The following BMP2K variants were observed in gnomAD, a reference collection of about 807,000 sequenced individuals.
BMP2K encodes BMP2 inducible kinase.
In BMP2K, 74 loss-of-function variants were observed where a neutral mutation model predicts 116.0. That is an observed-to-expected ratio of 0.64 (90% CI 0.53 to 0.77). The LOEUF (loss-of-function observed/expected upper bound fraction) is 0.77, where lower values mean the gene tolerates loss of function less well. Ranked by LOEUF, BMP2K falls within the 30% of genes least tolerant of loss-of-function variation. The pLI is 0.00. For synonymous variants in BMP2K, 486 were observed against 502.5 expected (o/e 0.97, Z 0.44); for missense variants, 1,365 against 1,403.6 (o/e 0.97, Z 0.44).
intron 1 of BMP2K, among the ~76,000 whole-genome samples, chr4:78,798,714 A>G (rs1489210829): frequency 3.9e-5 from 6 of 152,236 alleles, no homozygotes; most frequent in Non-Finnish European, 5.9e-5. Context: ...ATTTTAATAT[A>G]AACCTAAATG....
chr4:78,824,529 A>G (rs1342203991), intron 1 of BMP2K, among the ~76,000 whole-genome samples: 3 of 152,164 alleles, frequency 2.0e-5, no homozygotes, highest in Non-Finnish European at 2.9e-5. Flanking sequence ...ATCTGCCCCC[A>G]TGTTTCAATT....
At chr4:78,837,028 C>G (rs997260523) in intron 3 of BMP2K, among the ~76,000 whole-genome samples, 2 of 152,092 alleles carry the variant, frequency 1.3e-5, no homozygotes, top group Non-Finnish European at 2.9e-5. Flanking sequence ...CTGGACTTCT[C>G]ATTTTCTTTC....
At chr4:78,873,082 T>A (rs1025285476) in intron 13 of BMP2K, among the ~76,000 whole-genome samples, 2 of 152,148 alleles carry the variant, frequency 1.3e-5, no homozygotes, top group African/African-American at 4.8e-5. Context: ...TTTGGTAATG[T>A]AAGTATAAAC....
At chr4:78,890,766 C>T (rs1016043904) in intron 15 of BMP2K, among the ~76,000 whole-genome samples, 2 of 152,180 alleles carry the variant, frequency 1.3e-5, no homozygotes, top group African/African-American at 4.8e-5. Flanking sequence ...AGCTGTCACA[C>T]TTATAATTCT....
chr4:78,824,824 A>G (rs548211866), intron 1 of BMP2K, among the ~76,000 whole-genome samples: 1 of 152,350 alleles, frequency 6.6e-6, no homozygotes, highest in East Asian at 1.9e-4. Flanking sequence ...AACTTCATGT[A>G]GAAATCTTTG....
intron 1 of BMP2K, among the ~76,000 whole-genome samples, chr4:78,812,272 A>C (rs1729131948): frequency 6.6e-6 from 1 of 152,176 alleles, no homozygotes; most frequent in African/African-American, 2.4e-5. Context: ...CCTGGCCTTT[A>C]ATGGGAATTT....
intron 1 of BMP2K, among the ~76,000 whole-genome samples, chr4:78,795,296 A>G (rs1414715811): frequency 6.6e-6 from 1 of 152,210 alleles, no homozygotes; most frequent in African/African-American, 2.4e-5. Flanking sequence ...GACAAAATGA[A>G]CATGAGAAGA....
chr4:78,844,834 C>A, intron 4 of BMP2K, 94 bp from the exon 5 acceptor site: 1 of 1,114,290 alleles, frequency 9.0e-7, no homozygotes, highest in Non-Finnish European at 1.3e-6. Context: ...TAAAAATAAG[C>A]TTCGTATGTA....
chr4:78,867,396 T>G (rs765138726), intron 10 of BMP2K, among the ~76,000 whole-genome samples: 1 of 152,146 alleles, frequency 6.6e-6, no homozygotes, highest in Non-Finnish European at 1.5e-5. Context: ...TTGTCTAATG[T>G]TGTATGAGAT....
chr4:78,794,314 C>T (rs1578471887), intron 1 of BMP2K, among the ~76,000 whole-genome samples: 1 of 151,912 alleles, frequency 6.6e-6, no homozygotes, highest in Non-Finnish European at 1.5e-5. Flanking sequence ...TTTAACAGAC[C>T]GTCATTAGGT....
At chr4:78,822,077 T>G (rs1729645372) in intron 1 of BMP2K, among the ~76,000 whole-genome samples, 1 of 152,178 alleles carries the variant, frequency 6.6e-6, no homozygotes, top group South Asian at 2.1e-4. Context: ...TCCAAGTGAG[T>G]GTAAACTATG....
chr4:78,858,918 G>A (rs1731633421), intron 7 of BMP2K, among the ~76,000 whole-genome samples: 1 of 151,806 alleles, frequency 6.6e-6, no homozygotes, highest in Admixed American at 6.6e-5. Flanking sequence ...AATGGTAGTG[G>A]TCATTTTGGT....
At chr4:78,810,358 A>T (rs967472796) in intron 1 of BMP2K, among the ~76,000 whole-genome samples, 1 of 152,188 alleles carries the variant, frequency 6.6e-6, no homozygotes, top group Non-Finnish European at 1.5e-5. Context: ...ACTAGGAGCT[A>T]GAGCTTTTCA....
In BMP2K at chr4:78,912,086, G is replaced by C; in HGVS notation, c.*53G>C. On this transcript the variant is annotated 3_prime_UTR_variant, in exon 16 of 16. Transcript: ENST00000502613. Reference sequence around the variant, plus strand: ...CTCCTGTTTCAAAAAAGTGTGAACAGTTTTATGAATTTGAAAGAAAATTTG... The same window carrying C: ...CTCCTGTTTCAAAAAAGTGTGAACACTTTTATGAATTTGAAAGAAAATTTG... The C allele has an allele frequency of 6.7e-7, 1 of 1,483,592 alleles. No homozygotes were observed. Among genetic ancestry groups the C allele is most frequent in the South Asian group, 1.3e-5 (1 of 75,682 alleles). 91.9% of individuals were successfully genotyped at this position (1,483,592 alleles called of 1,614,324 possible).
intron 15 of BMP2K, among the ~76,000 whole-genome samples, chr4:78,888,561 G>A (rs567923066): frequency 3.3e-4 from 50 of 152,258 alleles, no homozygotes; most frequent in African/African-American, 1.1e-3. Flanking sequence ...CTTCTCTGAT[G>A]TTTAATAGCA....
chr4:78,779,776 G>T (rs539334914), intron 1 of BMP2K, among the ~76,000 whole-genome samples: 1 of 152,154 alleles, frequency 6.6e-6, no homozygotes, highest in Non-Finnish European at 1.5e-5. Flanking sequence ...AACTGTTAAA[G>T]TTTTCTCTCT....
At chr4:78,795,042 A>T (rs891281826) in intron 1 of BMP2K, among the ~76,000 whole-genome samples, 1 of 152,248 alleles carries the variant, frequency 6.6e-6, no homozygotes, top group Non-Finnish European at 1.5e-5. Context: ...ATCAAAAAAG[A>T]CTTCCTAAAA....
In BMP2K at chr4:78,910,612, T is replaced by G; in HGVS notation, c.2065T>G (p.Ser689Ala). The change falls in exon 16 of 16, where the codon TCT becomes GCT. Residue 689 changes from serine (S) to alanine (A), a missense_variant and splice_region_variant. By Grantham distance (99) the Ser-to-Ala change is moderately conservative. Transcript: ENST00000502613. ...ATAATATTTATTTGAACTTGCAGGT[T>G]CTCCTGAAAAGAAAGCTGAACATTC... ...GSVPFISHSG[S>A]PEKKAEHSSI... The G allele has an allele frequency of 6.5e-7, 1 of 1,527,404 alleles. No homozygotes were observed. Among genetic ancestry groups the G allele is most frequent in the Non-Finnish European group, 8.8e-7 (1 of 1,142,770 alleles). 94.6% of individuals were successfully genotyped at this position (1,527,404 alleles called of 1,614,324 possible).
At position 78,911,626 on chromosome 4, in the gene BMP2K, C is replaced by T. The variant is rs1047400897; in HGVS notation, c.3079C>T (p.Arg1027Ter). The change falls in exon 16 of 16, where the codon CGA (arginine) becomes TGA (stop). Residue 1027 changes from arginine (R) to a stop codon, truncating the protein, a stop_gained. Coordinates refer to ENST00000502613, the MANE Select transcript of BMP2K (RefSeq NM_198892.2). LOFTEE classifies it high-confidence loss of function. ...RARRHKKVGR[R>*]DSQSSNEFLT... is the part of the protein sequence containing the mutation. ...TCGCAGGCACAAAAAAGTGGGCCGCCGAGACTCTCAAAGTAGCAATGAATT... is the reference window on the plus strand; with the variant it reads ...TCGCAGGCACAAAAAAGTGGGCCGCTGAGACTCTCAAAGTAGCAATGAATT... 9.9e-6 allele frequency: 16 copies of T among 1,613,840 alleles called. No individual in the cohort carries two copies. Among genetic ancestry groups the T allele is most frequent in the Non-Finnish European group, 1.4e-5 (16 of 1,179,878 alleles).
Sources: allele counts gnomAD v4.1 joint callset (sites outside exome capture counted in the v4.1 genomes callset), GRCh38; gene constraint gnomAD v4.1.1; transcripts MANE v1.5; gene names NCBI Gene and HGNC (gene_info 2026-07-23, HGNC 2026-07-21).